Variants in SNTB1 observed in about 807,000 individuals in gnomAD.
SNTB1 encodes syntrophin beta 1.
SNTB1 carries 36 observed loss-of-function variants against 48.9 expected under a neutral mutation model. The ratio of observed to expected loss-of-function variants is 0.74; its 90% CI spans 0.56 to 0.97. The LOEUF is 0.97. Ranked by LOEUF, SNTB1 falls within the 50% of genes least tolerant of loss-of-function variation. The probability of loss-of-function intolerance (pLI) is 0.00; values close to 1 mark genes in which losing one functional copy is unlikely to be tolerated. For missense variants in SNTB1, 786 were observed against 703.4 expected (o/e 1.12, Z -1.33); for synonymous variants, 299 against 294.6 (o/e 1.01, Z -0.15).
chr8:120,746,601 C>G (rs1008929303), intron 1 of SNTB1, among the ~76,000 whole-genome samples: 14 of 152,182 alleles, frequency 9.2e-5, no homozygotes, highest in African/African-American at 3.4e-4. Flanking sequence ...CCAGCTTTAG[C>G]TTTTCACATC....
chr8:120,729,547 G>A (rs1818818180), intron 1 of SNTB1, among the ~76,000 whole-genome samples: 1 of 152,148 alleles, frequency 6.6e-6, no homozygotes, highest in African/African-American at 2.4e-5. Flanking sequence ...GAGGGCTGAG[G>A]GTGAGAGTTT....
At chr8:120,574,984 T>C in intron 4 of SNTB1, 102 bp downstream of exon 4, 1 of 1,442,170 alleles carries the variant, frequency 6.9e-7, no homozygotes. Context: ...TCTCAGCCCC[T>C]GCTGCAATAG....
intron 1 of SNTB1, among the ~76,000 whole-genome samples, chr8:120,760,420 TG>T (rs1819398474): frequency 6.6e-6 from 1 of 152,096 alleles, no homozygotes; most frequent in Non-Finnish European, 1.5e-5. Flanking sequence ...ATATCTTACT[TG>T]GGGCAGAAAT....
intron 2 of SNTB1, among the ~76,000 whole-genome samples, chr8:120,644,333 C>A (rs1278428651): frequency 8.4e-6 from 1 of 118,896 alleles, no homozygotes; most frequent in Admixed American, 1.1e-4. Flanking sequence ...CCACAACAGT[C>A]CCCAGAGTGT....
In SNTB1 at chr8:120,582,177, A is replaced by T. The variant is rs569504179; in HGVS notation, c.997-6952T>A. On this transcript the variant is annotated intron_variant, in intron 3 of 6. Coordinates refer to ENST00000517992, the MANE Select transcript of SNTB1 (RefSeq NM_021021.4). The stretch of plus-strand genomic sequence containing the variant: ...GATAAGTTTAAATGTATTCAAGTTA[A>T]ACAATGTATGTTCTTTGACCAAAAT... Among the ~76,000 whole-genome samples, 52 of 152,374 alleles carry T rather than the reference A, an allele frequency of 3.4e-4. No homozygotes were observed. The South Asian group carries it at 0.011, about 32-fold the overall frequency.
intron 1 of SNTB1, among the ~76,000 whole-genome samples, chr8:120,702,324 C>T (rs1324930834): frequency 1.3e-5 from 2 of 152,360 alleles, no homozygotes; most frequent in Admixed American, 6.5e-5. Context: ...CACTCACCAT[C>T]TGGCACCTGC....
chr8:120,809,507 G>A (rs1820391672), intron 1 of SNTB1, among the ~76,000 whole-genome samples: 1 of 152,014 alleles, frequency 6.6e-6, no homozygotes, highest in Admixed American at 6.6e-5. Flanking sequence ...TTGGGTGAGA[G>A]ATATTTTTTA....
intron 4 of SNTB1, among the ~76,000 whole-genome samples, chr8:120,559,576 C>T (rs1410281635): frequency 6.6e-6 from 1 of 152,150 alleles, no homozygotes; most frequent in East Asian, 1.9e-4. Context: ...CCAAGTGTTT[C>T]TCTCTCCACT....
At chr8:120,591,606 T>G (rs1466142670) in intron 3 of SNTB1, among the ~76,000 whole-genome samples, 1 of 152,196 alleles carries the variant, frequency 6.6e-6, no homozygotes, top group African/African-American at 2.4e-5. Flanking sequence ...CTGCAGCTGG[T>G]ATCAACAACT....
At chr8:120,613,006 G>C (rs1816649965) in intron 3 of SNTB1, among the ~76,000 whole-genome samples, 1 of 152,122 alleles carries the variant, frequency 6.6e-6, no homozygotes, top group African/African-American at 2.4e-5. Flanking sequence ...AAATAAGTCA[G>C]GCACAGGAAG....
intron 3 of SNTB1, among the ~76,000 whole-genome samples, chr8:120,580,229 A>G (rs1415206921): frequency 1.3e-5 from 2 of 152,036 alleles, no homozygotes; most frequent in African/African-American, 2.4e-5. Flanking sequence ...TCTTCCTAAC[A>G]TATTTACTTT....
chr8:120,684,817 G>A (rs1818000864), intron 2 of SNTB1, among the ~76,000 whole-genome samples: 1 of 152,004 alleles, frequency 6.6e-6, no homozygotes, highest in African/African-American at 2.4e-5. Context: ...ACCACACCCA[G>A]CTAATTTTTT....
chr8:120,682,908 G>T (rs1817958922), intron 2 of SNTB1, among the ~76,000 whole-genome samples: 1 of 148,580 alleles, frequency 6.7e-6, no homozygotes, highest in African/African-American at 2.5e-5. Context: ...TTGAGATGGG[G>T]ACTCGCTCTT....
At chr8:120,803,809 T>C (rs924738629) in intron 1 of SNTB1, among the ~76,000 whole-genome samples, 1 of 152,198 alleles carries the variant, frequency 6.6e-6, no homozygotes, top group Admixed American at 6.5e-5. Context: ...AATTAAAATA[T>C]CTAAGCAGAC....
At chr8:120,634,997 A>C (rs146262763) in intron 2 of SNTB1, among the ~76,000 whole-genome samples, 4,538 of 151,940 alleles carry the variant, frequency 0.03, 200 homozygotes, top group African/African-American at 0.097. Context: ...GACCACAGGC[A>C]CCCGCCACCG....
rs1326887359 is a variant in SNTB1, at chr8:120,645,304, G to A, written c.789-12653C>T. On this transcript the variant is annotated intron_variant, in intron 2 of 6. Coordinates refer to ENST00000517992, the MANE Select transcript of SNTB1 (RefSeq NM_021021.4). ...GGGTTTTTATGGTTTTAGGTCTAAC[G>A]TTTAAGTCTTTAATCCATATTGAAT... Among the ~76,000 whole-genome samples the A allele has an allele frequency of 3.9e-4, 59 of 150,724 alleles. No individual in the cohort carries two copies. The South Asian group carries it at 8.6e-3, about 22-fold the overall frequency.
intron 2 of SNTB1, among the ~76,000 whole-genome samples, chr8:120,640,609 A>G (rs1817175814): frequency 6.6e-6 from 1 of 152,190 alleles, no homozygotes; most frequent in Non-Finnish European, 1.5e-5. Context: ...ATTTTGCCAA[A>G]GGCCTTTTCT....
At chr8:120,798,938 A>G (rs577774195) in intron 1 of SNTB1, among the ~76,000 whole-genome samples, 1 of 152,198 alleles carries the variant, frequency 6.6e-6, no homozygotes, top group African/African-American at 2.4e-5. Flanking sequence ...GGTTGCTTAC[A>G]GAAAATACCT....
chr8:120,607,513 G>A (rs1052925542), intron 3 of SNTB1, among the ~76,000 whole-genome samples: 16 of 151,802 alleles, frequency 1.1e-4, no homozygotes, highest in East Asian at 5.8e-4. Context: ...CCATTAACTC[G>A]TCATTTAACA....
Sources: allele counts gnomAD v4.1 joint callset (sites outside exome capture counted in the v4.1 genomes callset), GRCh38; gene constraint gnomAD v4.1.1; transcripts MANE v1.5; gene names NCBI Gene and HGNC (gene_info 2026-07-23, HGNC 2026-07-21).